The following ARK2C variants were observed in gnomAD, a reference collection of about 807,000 sequenced individuals.
ARK2C encodes the protein arkadia (RNF111) C-terminal like ring finger ubiquitin ligase 2C.
the ARK2C span, among the ~76,000 whole-genome samples, chr18:46,369,081 A>G: frequency 3.9e-5 from 6 of 152,240 alleles, no homozygotes. Flanking sequence ...TATGTGTTTA[A>G]GTTTACACAA....
the ARK2C span, among the ~76,000 whole-genome samples, chr18:46,443,300 T>A: frequency 6.6e-6 from 1 of 152,242 alleles, no homozygotes; most frequent in South Asian, 2.1e-4. Context: ...GGTTTAATAG[T>A]CATACCACTT....
At chr18:46,455,792 G>A in the ARK2C span, among the ~76,000 whole-genome samples, 5 of 152,272 alleles carry the variant, frequency 3.3e-5, no homozygotes, top group African/African-American at 1.2e-4. Flanking sequence ...CCAAGATCAC[G>A]CTATTGCACT....
At chr18:46,415,609 T>C in the ARK2C span, among the ~76,000 whole-genome samples, 1 of 152,076 alleles carries the variant, frequency 6.6e-6, no homozygotes, top group African/African-American at 2.4e-5. Context: ...AGGCCCTTTA[T>C]TGAGAACGTG....
chr18:46,363,134 T>G, the ARK2C span, among the ~76,000 whole-genome samples: 1 of 152,250 alleles, frequency 6.6e-6, no homozygotes, highest in African/African-American at 2.4e-5. Flanking sequence ...CAATAAGTAC[T>G]TGTAGACTGA....
chr18:46,351,031 G>A, the ARK2C span, among the ~76,000 whole-genome samples: 2 of 152,218 alleles, frequency 1.3e-5, no homozygotes, highest in Admixed American at 6.5e-5. Context: ...AGGGCTGGGA[G>A]CTGCCCTAGC....
the ARK2C span, among the ~76,000 whole-genome samples, chr18:46,438,025 G>A: frequency 1.3e-5 from 2 of 152,310 alleles, no homozygotes; most frequent in East Asian, 3.9e-4. Context: ...CCAGATTCTG[G>A]GAAGAACTTA....
chr18:46,418,427 T>G, the ARK2C span, among the ~76,000 whole-genome samples: 210 of 152,344 alleles, frequency 1.4e-3, no homozygotes, highest in African/African-American at 5.0e-3. Flanking sequence ...TCCAAAATAT[T>G]ATCAGTATTT....
chr18:46,455,961 C>T, the ARK2C span: 3 of 1,571,708 alleles, frequency 1.9e-6, no homozygotes, highest in Non-Finnish European at 2.6e-6. Context: ...ACTACTCTCT[C>T]TGCTTCTCAT....
At chr18:46,369,521 C>T in the ARK2C span, among the ~76,000 whole-genome samples, 1 of 152,112 alleles carries the variant, frequency 6.6e-6, no homozygotes, top group African/African-American at 2.4e-5. Context: ...AGAAATGCCT[C>T]AGAATCCCTC....
the ARK2C span, among the ~76,000 whole-genome samples, chr18:46,383,326 T>C: frequency 7.9e-5 from 12 of 152,228 alleles, no homozygotes; most frequent in African/African-American, 2.9e-4. Flanking sequence ...TTATTTAAGT[T>C]GCTAATGAGG....
chr18:46,340,310 A>T, the ARK2C span, among the ~76,000 whole-genome samples: 2 of 152,230 alleles, frequency 1.3e-5, no homozygotes. Context: ...ACCAAAAGCA[A>T]ACCCTTATAA....
the ARK2C span, among the ~76,000 whole-genome samples, chr18:46,347,730 C>G: frequency 6.6e-6 from 1 of 152,054 alleles, no homozygotes. Flanking sequence ...CCCCTGCCTG[C>G]TCCTAGGAGG....
chr18:46,407,087 AC>A, the ARK2C span, among the ~76,000 whole-genome samples: 2 of 152,206 alleles, frequency 1.3e-5, no homozygotes, highest in African/African-American at 2.4e-5. Flanking sequence ...GGAAATGAGT[AC>A]TATAAATTGC....
chr18:46,463,081 T>A, the ARK2C span: 1 of 152,264 alleles, frequency 6.6e-6, no homozygotes, highest in African/African-American at 2.4e-5. Flanking sequence ...AGATTCACTT[T>A]TGGTGGATTT....
chr18:46,358,339 G>A, the ARK2C span, among the ~76,000 whole-genome samples: 1 of 152,184 alleles, frequency 6.6e-6, no homozygotes, highest in Non-Finnish European at 1.5e-5. Context: ...CCTAGTGTGA[G>A]GAAGTGAACG....
At chr18:46,381,946 C>T in the ARK2C span, among the ~76,000 whole-genome samples, 1 of 152,170 alleles carries the variant, frequency 6.6e-6, no homozygotes, top group Non-Finnish European at 1.5e-5. Flanking sequence ...CGGGCTTTGG[C>T]TTAAGCACCC....
the ARK2C span, among the ~76,000 whole-genome samples, chr18:46,364,429 C>T: frequency 2.0e-5 from 3 of 151,434 alleles, no homozygotes; most frequent in African/African-American, 7.3e-5. Flanking sequence ...GCTCTAAAGT[C>T]GTAGAACACG....
At chr18:46,437,083 T>C in the ARK2C span, among the ~76,000 whole-genome samples, 24 of 151,576 alleles carry the variant, frequency 1.6e-4, no homozygotes, top group East Asian at 4.5e-3. Context: ...CCAGTCTGCA[T>C]TCCTGACCAC....
chr18:46,432,869 C>T, the ARK2C span, among the ~76,000 whole-genome samples: 2 of 152,162 alleles, frequency 1.3e-5, no homozygotes, highest in Non-Finnish European at 2.9e-5. Context: ...GGCGTGAATC[C>T]GGGAGGCGGA....
Sources: gnomAD v4.1 joint callset for allele counts (sites outside exome capture counted in the v4.1 genomes callset) on GRCh38, gnomAD v4.1.1 for gene constraint, MANE v1.5 for transcripts, NCBI Gene and HGNC (gene_info 2026-07-23, HGNC 2026-07-21) for gene names.